The following OSBPL10 variants were observed in gnomAD, a reference collection of about 807,000 sequenced individuals.
OSBPL10 encodes the protein oxysterol-binding protein-related protein 10.
In OSBPL10, 49 loss-of-function variants were observed where a neutral mutation model predicts 81.7. The observed-to-expected ratio is 0.60, with a 90% CI of 0.48 to 0.76. The LOEUF is 0.76. OSBPL10 is among the 30% of genes least tolerant of loss of function. The pLI is 0.00. For synonymous variants in OSBPL10, 419 were observed against 383.6 expected, an observed-to-expected ratio of 1.09 and a Z score of -1.08; for missense variants, 923 against 987.8, an observed-to-expected ratio of 0.93 and a Z score of 0.88.
intron 1 of OSBPL10, among the ~76,000 whole-genome samples, chr3:31,965,972 A>G (rs929772150): frequency 7.8e-6 from 1 of 128,268 alleles, no homozygotes; most frequent in African/African-American, 2.9e-5. Context: ...TATATAAAAT[A>G]GATAATATAT....
At chr3:31,879,558 C>T (rs1404914259) in intron 2 of OSBPL10, 97 bp downstream of exon 2, 1 of 1,316,080 alleles carries the variant, frequency 7.6e-7, no homozygotes, top group Non-Finnish European at 1.0e-6. Context: ...AGCAAACTGT[C>T]AAAGGCAATT....
intron 1 of OSBPL10, among the ~76,000 whole-genome samples, chr3:32,074,099 G>A (rs532827733): frequency 6.1e-4 from 92 of 151,966 alleles, no homozygotes; most frequent in African/African-American, 2.1e-3. Flanking sequence ...AGCCATCCCC[G>A]CTCTACAGGC....
At chr3:31,754,036 G>C (rs192349939) in intron 4 of OSBPL10, among the ~76,000 whole-genome samples, 1 of 152,270 alleles carries the variant, frequency 6.6e-6, no homozygotes, top group Non-Finnish European at 1.5e-5. Context: ...TCTCACACCT[G>C]AACAATTTTG....
upstream of OSBPL10, among the ~76,000 whole-genome samples, chr3:31,982,504 C>T (rs1024329405): frequency 2.6e-5 from 4 of 152,126 alleles, no homozygotes; most frequent in African/African-American, 7.2e-5. Flanking sequence ...GACAGTTCCC[C>T]GAGCCCAACC....
chr3:31,870,513 G>A (rs1017658466), intron 3 of OSBPL10, among the ~76,000 whole-genome samples: 1 of 152,256 alleles, frequency 6.6e-6, no homozygotes, highest in Admixed American at 6.5e-5. Flanking sequence ...GCATGGCGCA[G>A]GACTGGCAGG....
chr3:31,846,021 T>A (rs1244997618), intron 3 of OSBPL10, among the ~76,000 whole-genome samples: 1 of 152,202 alleles, frequency 6.6e-6, no homozygotes. Flanking sequence ...TTAAAGTTTA[T>A]GTTTCTTTTG....
intron 8 of OSBPL10, among the ~76,000 whole-genome samples, chr3:31,677,542 T>C (rs1700509559): frequency 1.3e-5 from 2 of 152,196 alleles, no homozygotes; most frequent in Admixed American, 1.3e-4. Flanking sequence ...TGAGTGGCAT[T>C]TTCAAGCAGT....
intron 11 of OSBPL10, chr3:31,663,822 G>T: frequency 7.2e-7 from 1 of 1,391,206 alleles, no homozygotes; most frequent in Non-Finnish European, 9.3e-7. Flanking sequence ...AGGCTGACAT[G>T]CTTTTCTGAC....
At chr3:31,685,841 G>T (rs906463902) in intron 7 of OSBPL10, among the ~76,000 whole-genome samples, 3 of 152,196 alleles carry the variant, frequency 2.0e-5, no homozygotes, top group Admixed American at 1.3e-4. Flanking sequence ...TGATGGAAGG[G>T]AGAAGAGATG....
At chr3:31,872,264 TG>T (rs1701348142) in intron 3 of OSBPL10, among the ~76,000 whole-genome samples, 1 of 152,092 alleles carries the variant, frequency 6.6e-6, no homozygotes, top group Admixed American at 6.5e-5. Flanking sequence ...GGGAAGCACA[TG>T]GTGGCCCTAG....
chr3:31,678,781 A>AGTGT (rs1559411581), intron 8 of OSBPL10, among the ~76,000 whole-genome samples: 22 of 99,260 alleles, frequency 2.2e-4, no homozygotes, highest in African/African-American at 9.3e-4. Context: ...ACAGATTCAA[A>AGTGT]CTGTGTGTGT....
intron 3 of OSBPL10, among the ~76,000 whole-genome samples, chr3:31,833,111 G>A (rs1387319807): frequency 1.3e-5 from 2 of 152,196 alleles, no homozygotes; most frequent in African/African-American, 4.8e-5. Flanking sequence ...AGAGTAGAGG[G>A]AGAAAGAGGA....
intron 4 of OSBPL10, among the ~76,000 whole-genome samples, chr3:31,778,256 A>G (rs986313789): frequency 2.0e-5 from 3 of 152,162 alleles, no homozygotes; most frequent in Non-Finnish European, 2.9e-5. Flanking sequence ...TTTCCCCCAC[A>G]TCCCTAGTGA....
chr3:31,681,474 T>C (rs1222790369), intron 8 of OSBPL10, among the ~76,000 whole-genome samples: 1 of 152,196 alleles, frequency 6.6e-6, no homozygotes, highest in Non-Finnish European at 1.5e-5. Flanking sequence ...CCTTCTCTCT[T>C]GACTTTATTC....
intron 6 of OSBPL10, among the ~76,000 whole-genome samples, chr3:31,725,295 A>G (rs777127307): frequency 3.3e-5 from 5 of 152,202 alleles, no homozygotes; most frequent in Non-Finnish European, 5.9e-5. Context: ...TTTTAAGCAT[A>G]ACAACATTAT....
chr3:32,034,442 G>GAAAAA (rs34903839), intron 2 of OSBPL10, among the ~76,000 whole-genome samples: 2 of 130,458 alleles, frequency 1.5e-5, no homozygotes, highest in African/African-American at 2.9e-5. Flanking sequence ...CCCTGTAGCG[G>GAAAAA]AAAAAAAAAA....
intron 4 of OSBPL10, among the ~76,000 whole-genome samples, chr3:31,783,146 TAC>T (rs1553625121): frequency 8.8e-6 from 1 of 113,034 alleles, no homozygotes. Context: ...TATATATATA[TAC>T]ACACACACCA....
intron 2 of OSBPL10, among the ~76,000 whole-genome samples, chr3:31,877,829 A>G (rs1701518159): frequency 6.6e-6 from 1 of 152,252 alleles, no homozygotes; most frequent in African/African-American, 2.4e-5. Context: ...ATGAACTTCC[A>G]AAGACAAAGG....
At chr3:31,768,046 G>A (rs759723765) in intron 4 of OSBPL10, among the ~76,000 whole-genome samples, 14 of 152,190 alleles carry the variant, frequency 9.2e-5, no homozygotes, top group Non-Finnish European at 2.9e-5. Context: ...CTAAAAAAGA[G>A]ACAGATTGTT....
Sources: allele counts gnomAD v4.1 joint callset (sites outside exome capture counted in the v4.1 genomes callset), GRCh38; gene constraint gnomAD v4.1.1; transcripts MANE v1.5; gene names NCBI Gene and HGNC (gene_info 2026-07-23, HGNC 2026-07-21).